UPF2: variants seen among roughly 807,000 people sequenced by gnomAD.
UPF2 encodes the protein regulator of nonsense transcripts 2.
UPF2 carries 17 observed loss-of-function variants against 141.4 expected under a neutral mutation model. The ratio of observed to expected loss-of-function variants is 0.12; its 90% confidence interval spans 0.08 to 0.18. UPF2 has a LOEUF of 0.18. Among genes scored for constraint, UPF2 ranks in the 10% least tolerant of loss-of-function variants. The pLI is 1.00. For missense variants in UPF2, 1,152 were observed against 1,515.9 expected, an observed-to-expected ratio of 0.76 and a Z score of 3.99; for synonymous variants, 540 against 498.0, an observed-to-expected ratio of 1.08 and a Z score of -1.12.
At chr10:11,922,195 T>G (rs2131141161) in intron 21 of UPF2, among the ~76,000 whole-genome samples, 1 of 152,242 alleles carries the variant, frequency 6.6e-6, no homozygotes, top group East Asian at 1.9e-4. Flanking sequence ...CCCCGCTGAC[T>G]CCCTGACCTC....
intron 18 of UPF2, among the ~76,000 whole-genome samples, chr10:11,938,868 T>TGTTTTTTTTTTTTG (rs1340961677): frequency 2.2e-5 from 2 of 90,822 alleles, no homozygotes; most frequent in South Asian, 4.9e-4. Context: ...TTTTTTTTTT[T>TGTTTTTTTTTTTTG]TTTTTTTTTT....
rs960365401 is a variant in UPF2 at position 11,998,822 on chromosome 10, C to A, written c.1759-1065G>T. 1.3e-5 allele frequency among the ~76,000 whole-genome samples: 2 copies of A among 151,886 alleles called. No individual in the cohort carries two copies. Among genetic ancestry groups the A allele is most frequent in the African/African-American group, 4.8e-5 (2 of 41,334 alleles). On this transcript the variant is annotated intron_variant, in intron 7 of 21. Transcript: ENST00000357604. This position sits in a 1 kb window ranked among gnomAD's most constrained non-coding sequence, Gnocchi z 4.5. ...TGAGCCGAGAACATGCCACTGCACT[C>A]CAGCCTGGGCAACAGAGCAAGACTC... is the stretch of plus-strand genomic sequence containing the variant.
In UPF2 at chr10:12,019,755, G is replaced by A. The variant is rs1205223154; in HGVS notation, c.1146-5571C>T. Among the ~76,000 whole-genome samples the A allele has an allele frequency of 6.6e-6, 1 of 151,772 alleles. No individual in the cohort carries two copies. Among genetic ancestry groups the A allele is most frequent in the Non-Finnish European group, 1.5e-5 (1 of 67,974 alleles). ...TGTTTTGTTTTTGAGATGGATTCTC[G>A]CTCTGCTGCCCAGGCTGGAGTGTAG... On this transcript the variant is annotated intron_variant, in intron 3 of 21. Transcript: ENST00000357604. This position sits in a 1 kb window ranked among gnomAD's most constrained non-coding sequence, Gnocchi z 4.5.
intron 4 of UPF2, among the ~76,000 whole-genome samples, chr10:12,008,668 T>C (rs935190020): frequency 6.7e-6 from 1 of 148,554 alleles, no homozygotes; most frequent in Non-Finnish European, 1.5e-5. Context: ...TTCATTCTCA[T>C]ACACTTAGTG....
chr10:12,034,614 T>C (rs977638369), intron 2 of UPF2, among the ~76,000 whole-genome samples: 3 of 152,182 alleles, frequency 2.0e-5, no homozygotes, highest in African/African-American at 7.2e-5. Flanking sequence ...AAGACCAGCC[T>C]GGCCAACATG....
chr10:11,996,031 G>C (rs1833859035), intron 8 of UPF2, among the ~76,000 whole-genome samples: 1 of 152,002 alleles, frequency 6.6e-6, no homozygotes, highest in African/African-American at 2.4e-5. Context: ...GCTTCTTCTT[G>C]ACAAAGGCAC....
Position 11,947,732 on chromosome 10 carries a change from A to C in UPF2, c.3174+637T>G, listed in dbSNP as rs184010126. 2.7e-5 allele frequency among the ~76,000 whole-genome samples: 4 copies of C among 149,702 alleles called. No individual in the cohort carries two copies. In the East Asian group the frequency reaches 8.0e-4, roughly 30 times the overall value. On this transcript the variant is annotated intron_variant, in intron 16 of 21. Transcript: ENST00000357604. ...AGCCCAAGAGGTTGAGGCTGCAGTG[A>C]ACTATGATCACACCACTCCACTCCA...
At position 11,992,862 on chromosome 10, in the gene UPF2, C is replaced by T. The variant is rs560820362; in HGVS notation, c.1844+4810G>A. Among the ~76,000 whole-genome samples the T allele has an allele frequency of 2.6e-5, 4 of 152,062 alleles. No individual in the cohort carries two copies. The highest frequency in any genetic ancestry group is 5.9e-5 in the Non-Finnish European group (4 of 67,988). ...ATACCAAACGCAAATAAAAAGAAAG[C>T]AGCAGTCAGGCGCAGGTGGCTCACA... On this transcript the variant is annotated intron_variant, in intron 8 of 21. Coordinates refer to ENST00000357604, the MANE Select transcript of UPF2 (RefSeq NM_015542.4). This position sits in a 1 kb window ranked among gnomAD's most constrained non-coding sequence, Gnocchi z 4.1.
In UPF2 at chr10:11,931,234, A is replaced by G. The variant is rs1243904620; in HGVS notation, c.3688+407T>C. ...ACACCATACAGCCTCAGTGTGTAGT[A>G]GGCTACACCATCTAGGTTTGTCAAG... On this transcript the variant is annotated intron_variant, in intron 20 of 21. Coordinates refer to ENST00000357604, the MANE Select transcript of UPF2 (RefSeq NM_015542.4). This position sits in a 1 kb window ranked among gnomAD's most constrained non-coding sequence, Gnocchi z 5.9. 1.3e-5 allele frequency among the ~76,000 whole-genome samples: 2 copies of G among 152,212 alleles called. No individual in the cohort carries two copies. The highest frequency in any genetic ancestry group is 2.9e-5 in the Non-Finnish European group (2 of 68,036).
At chr10:11,971,008 T>C (rs1833408047) in intron 9 of UPF2, among the ~76,000 whole-genome samples, 1 of 152,048 alleles carries the variant, frequency 6.6e-6, no homozygotes, top group Admixed American at 6.5e-5. Flanking sequence ...TCAAAACATG[T>C]TAACATCCTG....
intron 3 of UPF2, among the ~76,000 whole-genome samples, chr10:12,015,785 G>A (rs1009458412): frequency 3.3e-5 from 5 of 152,112 alleles, no homozygotes; most frequent in African/African-American, 9.7e-5. Context: ...CATTACAAGT[G>A]CATCAGTGCA....
intron 1 of UPF2, among the ~76,000 whole-genome samples, chr10:12,036,982 G>A (rs527556794): frequency 6.6e-6 from 1 of 152,234 alleles, no homozygotes; most frequent in South Asian, 2.1e-4. Context: ...CCAAGATCAC[G>A]CCATTGGACT....
intron 4 of UPF2, among the ~76,000 whole-genome samples, chr10:12,009,428 A>G (rs1834091396): frequency 6.6e-6 from 1 of 152,250 alleles, no homozygotes; most frequent in South Asian, 2.1e-4. Context: ...AACTGGAAAA[A>G]GTGGCTATAG....
Position 12,016,677 on chromosome 10 carries a change from G to C in UPF2, c.1146-2493C>G, listed in dbSNP as rs1450965435. Among the ~76,000 whole-genome samples, 2 of 150,644 alleles carry C rather than the reference G, an allele frequency of 1.3e-5. No individual in the cohort carries two copies. Among genetic ancestry groups the C allele is most frequent in the Admixed American group, 6.6e-5 (1 of 15,048 alleles). ...CCACTGTACTCCAGCCTGGGCGACA[G>C]AGCAAGACTGTCTAAAAAAAAAAAG... On this transcript the variant is annotated intron_variant, in intron 3 of 21. Coordinates refer to ENST00000357604, the MANE Select transcript of UPF2 (RefSeq NM_015542.4). The surrounding 1 kb of genome is among the most constrained non-coding windows in gnomAD (Gnocchi z 4.1).
rs1191991889 is a variant in UPF2 at position 12,042,459 on chromosome 10, C to G, written c.-19+296G>C. The stretch of plus-strand genomic sequence containing the variant: ...AACACTTTCGCCCCTCCACCGCGGG[C>G]TCCCCGCCTCCAGTCTCGAGGCCCG... On this transcript the variant is annotated intron_variant, in intron 1 of 21. Coordinates refer to ENST00000357604, the MANE Select transcript of UPF2 (RefSeq NM_015542.4). This position sits in a 1 kb window ranked among gnomAD's most constrained non-coding sequence, Gnocchi z 5.5. Among the ~76,000 whole-genome samples, 1 of 152,234 alleles carries G rather than the reference C, an allele frequency of 6.6e-6. No homozygotes were observed. Among genetic ancestry groups the G allele is most frequent in the Admixed American group, 6.5e-5 (1 of 15,280 alleles).
In UPF2 at chr10:11,921,387, C is replaced by T; in HGVS notation, c.3810-80G>A. ...AGCAAGATGGCGTCTGCAACGCTAC[C>T]CACCACCACCAAGTCACTCCCCCAA... On this transcript the variant is annotated intron_variant, in intron 21 of 21. Transcript: ENST00000357604. This position sits in a 1 kb window ranked among gnomAD's most constrained non-coding sequence, Gnocchi z 5.9. 6.4e-7 allele frequency: 1 copy of T among 1,565,544 alleles called. No individual in the cohort carries two copies. Among genetic ancestry groups the T allele is most frequent in the Non-Finnish European group, 8.8e-7 (1 of 1,138,652 alleles).
At chr10:11,926,659 G>C in intron 21 of UPF2, among the ~76,000 whole-genome samples, 1 of 152,346 alleles carries the variant, frequency 6.6e-6, no homozygotes, top group East Asian at 1.9e-4. Flanking sequence ...TGCCAGTGAT[G>C]GCAGAAGCTG....
chr10:11,921,420 G>A lies in UPF2; in HGVS notation c.3810-113C>T, dbSNP rs1832643135. On this transcript the variant is annotated intron_variant, in intron 21 of 21. Transcript: ENST00000357604. This position sits in a 1 kb window ranked among gnomAD's most constrained non-coding sequence, Gnocchi z 5.9. ...ACCAAGTCACTCCCCCAAGTTACAG[G>A]TGGCCCTGGCATCTGCGGGTTCCAC... 2 of 1,377,908 alleles carry A rather than the reference G, an allele frequency of 1.5e-6. No homozygotes were observed. Among genetic ancestry groups the A allele is most frequent in the Admixed American group, 1.8e-5 (1 of 55,628 alleles). 85.4% of individuals were successfully genotyped at this position (1,377,908 alleles called of 1,614,324 possible).
chr10:12,029,443 T>C lies in UPF2; in HGVS notation c.447A>G (p.Gln149=). ...CCTCTGGTCGGCTGTCCGGAGCATT[T>C]TGGTTTTTGCTACGAAGTTCCTTTC... ...HLRKELRSKN[Q]NAPDSRPEEN... is the part of the protein sequence containing the mutation. Residue 149 remains glutamine, a synonymous_variant, in exon 3 of 22, where the codon CAA becomes CAG. Coordinates refer to ENST00000357604, the MANE Select transcript of UPF2 (RefSeq NM_015542.4). 6.2e-7 allele frequency: 1 copy of C among 1,613,718 alleles called. No homozygotes were observed. The highest frequency in any genetic ancestry group is 1.1e-5 in the South Asian group (1 of 90,832).
Sources: allele counts gnomAD v4.1 joint callset (sites outside exome capture counted in the v4.1 genomes callset), GRCh38; gene constraint gnomAD v4.1.1; non-coding constraint Gnocchi (gnomAD v3.1); transcripts MANE v1.5; gene names NCBI Gene and HGNC (gene_info 2026-07-23, HGNC 2026-07-21).